The following GHR variants were observed in gnomAD, a reference collection of about 807,000 sequenced individuals.
GHR encodes GH receptor.
In GHR, 35 loss-of-function variants were observed where a neutral mutation model predicts 67.1. The ratio of observed to expected loss-of-function variants is 0.52; its 90% CI spans 0.40 to 0.69. The LOEUF (loss-of-function observed/expected upper bound fraction) is 0.69, where lower values mean the gene tolerates loss of function less well. Among genes scored for constraint, GHR ranks in the 30% least tolerant of loss-of-function variants. The pLI is 0.00. For synonymous variants in GHR, 272 were observed against 269.1 expected, an observed-to-expected ratio of 1.01 and a Z score of -0.10; for missense variants, 792 against 764.6, an observed-to-expected ratio of 1.04 and a Z score of -0.42.
Position 42,559,203 on chromosome 5 carries a change from A to G in GHR, c.-11-6661A>G, listed in dbSNP as rs929717118. ...AGCCACATGTGACTTATTGTAACAT[A>G]ATTGGTCATTGCAGGTACATACCAT... is the stretch of plus-strand genomic sequence containing the variant. On this transcript the variant is annotated intron_variant, in intron 1 of 9. Transcript: ENST00000230882. 2.6e-5 allele frequency among the ~76,000 whole-genome samples: 4 copies of G among 152,328 alleles called. No individual in the cohort carries two copies. The South Asian group carries it at 8.3e-4, about 32-fold the overall frequency.
At chr5:42,520,828 AG>A (rs1747440984) in intron 1 of GHR, among the ~76,000 whole-genome samples, 1 of 152,060 alleles carries the variant, frequency 6.6e-6, no homozygotes, top group African/African-American at 2.4e-5. Context: ...TTGACATAGC[AG>A]GCTTCTTTTT....
chr5:42,579,124 TAG>T (rs1561138730), intron 2 of GHR, among the ~76,000 whole-genome samples: 19 of 84,622 alleles, frequency 2.2e-4, no homozygotes, highest in East Asian at 1.3e-3. Context: ...GATAGATAGA[TAG>T]ATAGATAGAT....
chr5:42,509,172 C>T (rs1053820811), intron 1 of GHR, among the ~76,000 whole-genome samples: 3 of 152,176 alleles, frequency 2.0e-5, no homozygotes, highest in African/African-American at 7.2e-5. Flanking sequence ...CAGATTTAAT[C>T]CTGCTTTCCA....
chr5:42,514,257 A>C (rs1045757698), intron 1 of GHR: 3 of 985,138 alleles, frequency 3.0e-6, no homozygotes, highest in African/African-American at 3.5e-5. Context: ...ATCTTCCATG[A>C]CCAAGGTCAC....
At chr5:42,647,301 G>A (rs534275798) in intron 3 of GHR, among the ~76,000 whole-genome samples, 3 of 152,178 alleles carry the variant, frequency 2.0e-5, no homozygotes, top group Non-Finnish European at 4.4e-5. Context: ...TCGGCCGGGC[G>A]TTGTGGCTCA....
At chr5:42,580,812 C>G (rs560148932) in intron 2 of GHR, among the ~76,000 whole-genome samples, 5 of 152,236 alleles carry the variant, frequency 3.3e-5, no homozygotes, top group Non-Finnish European at 7.4e-5. Flanking sequence ...TAGGAAATAC[C>G]TGCTTATTCC....
At chr5:42,715,607 GAAAT>G (rs948367979) in intron 8 of GHR, among the ~76,000 whole-genome samples, 1 of 152,192 alleles carries the variant, frequency 6.6e-6, no homozygotes, top group Non-Finnish European at 1.5e-5. Flanking sequence ...ATTGAGGAAA[GAAAT>G]AACTGAATCA....
At chr5:42,502,746 G>T (rs1235601444) in intron 1 of GHR, among the ~76,000 whole-genome samples, 1 of 149,726 alleles carries the variant, frequency 6.7e-6, no homozygotes, top group African/African-American at 2.4e-5. Context: ...ACCACTAATT[G>T]TACATTTTAA....
intron 1 of GHR, among the ~76,000 whole-genome samples, chr5:42,482,286 C>T (rs1579791961): frequency 6.6e-6 from 1 of 152,106 alleles, no homozygotes; most frequent in South Asian, 2.1e-4. Context: ...TGTCAGTCCA[C>T]CCCTGCTGGG....
intron 1 of GHR, among the ~76,000 whole-genome samples, chr5:42,522,095 T>C (rs1309179304): frequency 1.3e-5 from 2 of 152,154 alleles, no homozygotes; most frequent in Non-Finnish European, 2.9e-5. Flanking sequence ...GTTCCATCGT[T>C]TTGTATTGCA....
chr5:42,653,064 A>G (rs1755085874), intron 3 of GHR, among the ~76,000 whole-genome samples: 1 of 152,190 alleles, frequency 6.6e-6, no homozygotes, highest in South Asian at 2.1e-4. Flanking sequence ...AGGAGAATTG[A>G]GCAAGACCAT....
chr5:42,689,218 G>A (rs1367278995), intron 4 of GHR, among the ~76,000 whole-genome samples, 199 bp downstream of exon 4: 1 of 152,176 alleles, frequency 6.6e-6, no homozygotes, highest in Non-Finnish European at 1.5e-5. Flanking sequence ...TGGAGATATA[G>A]CAGTGATTAC....
chr5:42,611,294 C>T (rs1177421845), intron 2 of GHR, among the ~76,000 whole-genome samples: 1 of 151,916 alleles, frequency 6.6e-6, no homozygotes, highest in Non-Finnish European at 1.5e-5. Flanking sequence ...ATTTTAAGTC[C>T]AAATTTCCTT....
chr5:42,436,231 TCACAGCTAGTAA>T (rs2111927731), intron 1 of GHR, among the ~76,000 whole-genome samples: 1 of 152,312 alleles, frequency 6.6e-6, no homozygotes, highest in Non-Finnish European at 1.5e-5. Context: ...GGCCAGGGAT[TCACAGCTAGTAA>T]CACAGCTGAG....
At position 42,467,116 on chromosome 5, in the gene GHR, C is replaced by T. The variant is rs1744766409; in HGVS notation, c.-12+43161C>T. 24 of 1,595,868 alleles carry T rather than the reference C, an allele frequency of 1.5e-5. 1 individual carries two copies. The highest frequency in any genetic ancestry group is 2.0e-5 in the Non-Finnish European group (23 of 1,164,968). ...GTATGAGCTACATGTGAAGGCCTTC[C>T]CACATTCATTACACACAAAAGGAAG... On this transcript the variant is annotated intron_variant, in intron 1 of 9. Coordinates refer to ENST00000230882, the MANE Select transcript of GHR (RefSeq NM_000163.5).
At chr5:42,616,316 G>A (rs1753145216) in intron 2 of GHR, among the ~76,000 whole-genome samples, 1 of 152,078 alleles carries the variant, frequency 6.6e-6, no homozygotes, top group South Asian at 2.1e-4. Context: ...AGGAGATGGA[G>A]AGAAGTGAAT....
In GHR at chr5:42,470,676, C is replaced by T. The variant is rs896527374; in HGVS notation, c.-12+46721C>T. Among the ~76,000 whole-genome samples, 7 of 151,968 alleles carry T rather than the reference C, an allele frequency of 4.6e-5. No individual in the cohort carries two copies. The South Asian group carries it at 1.2e-3, about 27-fold the overall frequency. On this transcript the variant is annotated intron_variant, in intron 1 of 9. Transcript: ENST00000230882. Reference sequence around the variant, plus strand: ...ATTCTAAACTTACAGATTAGTTTGCCGCAGCCCCTAGCCCTACACTGTAAG... The same window carrying T: ...ATTCTAAACTTACAGATTAGTTTGCTGCAGCCCCTAGCCCTACACTGTAAG...
At chr5:42,623,113 A>G (rs1486872512) in intron 2 of GHR, among the ~76,000 whole-genome samples, 1 of 152,182 alleles carries the variant, frequency 6.6e-6, no homozygotes, top group East Asian at 1.9e-4. Flanking sequence ...AGCATATATA[A>G]CACTTACTTA....
Position 42,472,058 on chromosome 5 carries a change from T to C in GHR, c.-12+48103T>C, listed in dbSNP as rs188682319. 1.5e-3 allele frequency among the ~76,000 whole-genome samples: 236 copies of C among 152,276 alleles called. 1 individual carries two copies. Among genetic ancestry groups the C allele is most frequent in the Non-Finnish European group, 3.1e-3 (212 of 68,018 alleles). ...AAAGTGATTAAAATGCAAAAGAACA[T>C]TCACTTAGGCTGGGATAAACAAGAG... On this transcript the variant is annotated intron_variant, in intron 1 of 9. Coordinates refer to ENST00000230882, the MANE Select transcript of GHR (RefSeq NM_000163.5).
Sources: gnomAD v4.1 joint callset for allele counts (sites outside exome capture counted in the v4.1 genomes callset) on GRCh38, gnomAD v4.1.1 for gene constraint, MANE v1.5 for transcripts, NCBI Gene and HGNC (gene_info 2026-07-23, HGNC 2026-07-21) for gene names.